FAM185A: variants seen among roughly 807,000 people sequenced by gnomAD.
The protein encoded by FAM185A is protein FAM185A.
Under a neutral mutation model 45.7 loss-of-function variants are expected in FAM185A, and 21 were observed. The ratio of observed to expected loss-of-function variants is 0.46; its 90% CI spans 0.33 to 0.66. The LOEUF (loss-of-function observed/expected upper bound fraction) is 0.66, where lower values mean the gene tolerates loss of function less well. Among genes scored for constraint, FAM185A ranks in the 30% least tolerant of loss-of-function variants. The probability of loss-of-function intolerance (pLI) is 0.03; values close to 1 mark genes in which losing one functional copy is unlikely to be tolerated. For missense variants in FAM185A, 305 were observed against 485.4 expected, an observed-to-expected ratio of 0.63 and a Z score of 3.49; for synonymous variants, 117 against 194.0, an observed-to-expected ratio of 0.60 and a Z score of 3.30.
chr7:102,813,665 T>G, downstream of FAM185A: 1 of 855,612 alleles, frequency 1.2e-6, no homozygotes, highest in Non-Finnish European at 1.8e-6. Context: ...CTTGCCTTGC[T>G]GAGAGTGAGG....
chr7:102,797,470 C>T (rs949161583), intron 7 of FAM185A, among the ~76,000 whole-genome samples: 35 of 152,078 alleles, frequency 2.3e-4, no homozygotes, highest in African/African-American at 4.8e-4. Flanking sequence ...AGCGAGACTC[C>T]GTCTCAAAAA....
intron 5 of FAM185A, among the ~76,000 whole-genome samples, chr7:102,773,641 T>C (rs999638015): frequency 6.6e-6 from 1 of 152,158 alleles, no homozygotes; most frequent in African/African-American, 2.4e-5. Context: ...ACCAGACCTT[T>C]TCCCAAAGTT....
chr7:102,836,991 G>C, the FAM185A span, among the ~76,000 whole-genome samples: 1 of 152,228 alleles, frequency 6.6e-6, no homozygotes, highest in Non-Finnish European at 1.5e-5. Flanking sequence ...AATATGTGCT[G>C]TCAAGAACCA....
downstream of FAM185A, among the ~76,000 whole-genome samples, chr7:102,813,881 C>T (rs910714712): frequency 6.6e-6 from 1 of 152,104 alleles, no homozygotes; most frequent in Non-Finnish European, 1.5e-5. Flanking sequence ...AGTAACCTAA[C>T]CAGCCTACCT....
At chr7:102,841,123 G>A in the FAM185A span, among the ~76,000 whole-genome samples, 1 of 152,182 alleles carries the variant, frequency 6.6e-6, no homozygotes, top group African/African-American at 2.4e-5. Flanking sequence ...AAGCCTAGGT[G>A]TGTCACATAG....
At chr7:102,780,734 C>T (rs1447673709) in intron 6 of FAM185A, among the ~76,000 whole-genome samples, 2 of 152,152 alleles carry the variant, frequency 1.3e-5, no homozygotes, top group Admixed American at 6.5e-5. Flanking sequence ...CCAGCGTGAG[C>T]GACGCAGAAG....
chr7:102,836,295 T>G, the FAM185A span, among the ~76,000 whole-genome samples: 2 of 152,232 alleles, frequency 1.3e-5, no homozygotes, highest in Non-Finnish European at 2.9e-5. Context: ...GGCTTTATGC[T>G]AAATCAGTGG....
intron 4 of FAM185A, among the ~76,000 whole-genome samples, chr7:102,767,404 A>C (rs1250764923): frequency 6.6e-6 from 1 of 151,934 alleles, no homozygotes; most frequent in African/African-American, 2.4e-5. Flanking sequence ...AAATGGCTTT[A>C]CCTAACTGCA....
chr7:102,752,833 T>C (rs1361044084), intron 2 of FAM185A, among the ~76,000 whole-genome samples: 2 of 144,864 alleles, frequency 1.4e-5, no homozygotes, highest in Non-Finnish European at 3.0e-5. Flanking sequence ...TGCATTTGCA[T>C]AGTCAAAACT....
At chr7:102,803,080 A>T (rs1479745589) in intron 7 of FAM185A, among the ~76,000 whole-genome samples, 1 of 152,004 alleles carries the variant, frequency 6.6e-6, no homozygotes, top group South Asian at 2.1e-4. Context: ...AGACTGATTC[A>T]TAGCAGAATT....
chr7:102,771,036 G>A (rs538821185), intron 4 of FAM185A, among the ~76,000 whole-genome samples: 67 of 152,246 alleles, frequency 4.4e-4, no homozygotes, highest in Middle Eastern at 6.8e-3. Context: ...CCATAAAGAA[G>A]AATGAAATTA....
intron 4 of FAM185A, among the ~76,000 whole-genome samples, chr7:102,771,440 A>G (rs1158213220): frequency 6.6e-6 from 1 of 152,192 alleles, no homozygotes; most frequent in Non-Finnish European, 1.5e-5. Context: ...TTGTTCATAT[A>G]CTCACAAGAA....
chr7:102,762,672 TA>T (rs914882631), intron 4 of FAM185A, among the ~76,000 whole-genome samples: 25 of 151,734 alleles, frequency 1.6e-4, no homozygotes, highest in African/African-American at 5.3e-4. Context: ...AGTAGTCTTC[TA>T]AAAAAAAATT....
chr7:102,784,864 A>T (rs1795674095), intron 6 of FAM185A, among the ~76,000 whole-genome samples: 1 of 152,232 alleles, frequency 6.6e-6, no homozygotes, highest in Non-Finnish European at 1.5e-5. Context: ...AATAAAGGGT[A>T]TTCAATTAGG....
chr7:102,830,845 CCTT>C, the FAM185A span, among the ~76,000 whole-genome samples: 1 of 152,318 alleles, frequency 6.6e-6, no homozygotes, highest in Non-Finnish European at 1.5e-5. Flanking sequence ...TAGTTTTCTT[CCTT>C]CTTCATATTT....
downstream of FAM185A, among the ~76,000 whole-genome samples, chr7:102,812,218 C>A (rs116812155): frequency 1.6e-3 from 251 of 152,220 alleles, no homozygotes; most frequent in African/African-American, 5.7e-3. Context: ...TGGTAAAAAC[C>A]CACAGATGTG....
chr7:102,787,630 G>C (rs1025838755), intron 7 of FAM185A, among the ~76,000 whole-genome samples, 161 bp downstream of exon 7: 2 of 152,098 alleles, frequency 1.3e-5, no homozygotes, highest in African/African-American at 4.8e-5. Flanking sequence ...TCATTAATAT[G>C]ATGCAGACAT....
the FAM185A span, among the ~76,000 whole-genome samples, chr7:102,845,421 G>GAT: frequency 9.2e-5 from 14 of 152,226 alleles, no homozygotes; most frequent in East Asian, 2.1e-3. Flanking sequence ...TAAAGACCAA[G>GAT]ATATATATAT....
At chr7:102,803,161 A>T (rs1308461438) in intron 7 of FAM185A, among the ~76,000 whole-genome samples, 2 of 152,170 alleles carry the variant, frequency 1.3e-5, no homozygotes, top group Non-Finnish European at 2.9e-5. Flanking sequence ...GAAAGAAGGA[A>T]CACTCCCTAA....
Sources: gnomAD v4.1 joint callset for allele counts (sites outside exome capture counted in the v4.1 genomes callset) on GRCh38, gnomAD v4.1.1 for gene constraint, MANE v1.5 for transcripts, NCBI Gene and HGNC (gene_info 2026-07-23, HGNC 2026-07-21) for gene names.